Variants in RAB8B observed in about 807,000 individuals in gnomAD.
RAB8B encodes the protein ras-related protein Rab-8B.
A neutral mutation model predicts 32.0 loss-of-function variants in RAB8B; 11 were observed. The observed-to-expected ratio is 0.34, with a 90% CI of 0.22 to 0.57. The LOEUF is 0.57. RAB8B is among the 20% of genes least tolerant of loss of function. The pLI, the probability that RAB8B is intolerant of heterozygous loss-of-function variation, is 0.86. For missense variants in RAB8B, 190 were observed against 258.5 expected (o/e 0.73, Z 1.82); for synonymous variants, 103 against 89.6 (o/e 1.15, Z -0.85).
At chr15:63,207,763 A>C (rs2037711022) in intron 1 of RAB8B, among the ~76,000 whole-genome samples, 1 of 151,956 alleles carries the variant, frequency 6.6e-6, no homozygotes, top group South Asian at 2.1e-4. Flanking sequence ...ACGGGGTTTC[A>C]CCATGTTGGC....
intron 1 of RAB8B, among the ~76,000 whole-genome samples, chr15:63,202,380 A>G (rs186354680): frequency 2.0e-4 from 30 of 152,352 alleles, no homozygotes; most frequent in African/African-American, 6.5e-4. Context: ...GACAAGCCTG[A>G]GTAATAGCTA....
intron 6 of RAB8B, among the ~76,000 whole-genome samples, 160 bp from the exon 7 acceptor site, chr15:63,262,532 G>C (rs2038210995): frequency 6.6e-6 from 1 of 151,682 alleles, no homozygotes; most frequent in African/African-American, 2.4e-5. Flanking sequence ...TTAGGAGACT[G>C]AGGTGGGAGG....
At chr15:63,253,263 T>C (rs1417780421) in intron 3 of RAB8B, among the ~76,000 whole-genome samples, 5 of 152,178 alleles carry the variant, frequency 3.3e-5, no homozygotes, top group East Asian at 1.9e-4. Context: ...AAAATCCCAC[T>C]ACTCTGAGAG....
At chr15:63,211,839 TC>T (rs1335071448) in intron 1 of RAB8B, among the ~76,000 whole-genome samples, 1 of 152,152 alleles carries the variant, frequency 6.6e-6, no homozygotes, top group African/African-American at 2.4e-5. Flanking sequence ...TGTGTTTTTT[TC>T]TTTTTTTTAG....
At chr15:63,246,706 C>T (rs1041582976) in intron 2 of RAB8B, among the ~76,000 whole-genome samples, 2 of 152,272 alleles carry the variant, frequency 1.3e-5, no homozygotes, top group Non-Finnish European at 1.5e-5. Flanking sequence ...TTGATTGCAT[C>T]GTGGGCCATT....
chr15:63,247,116 A>G (rs1006168295), intron 2 of RAB8B, among the ~76,000 whole-genome samples: 1 of 152,202 alleles, frequency 6.6e-6, no homozygotes, highest in African/African-American at 2.4e-5. Context: ...GTGTCTAGTG[A>G]AGGTTTGCTT....
At chr15:63,210,111 T>C (rs952565671) in intron 1 of RAB8B, among the ~76,000 whole-genome samples, 1 of 152,220 alleles carries the variant, frequency 6.6e-6, no homozygotes, top group Non-Finnish European at 1.5e-5. Context: ...TCAGGCCTGC[T>C]GTAGTTGTGG....
chr15:63,190,509 G>C (rs1297885945), intron 1 of RAB8B, among the ~76,000 whole-genome samples: 1 of 152,020 alleles, frequency 6.6e-6, no homozygotes, highest in African/African-American at 2.4e-5. Flanking sequence ...AGATGGAAAA[G>C]AGAGGAAATG....
chr15:63,200,237 T>A (rs892820907), intron 1 of RAB8B, among the ~76,000 whole-genome samples: 1 of 152,218 alleles, frequency 6.6e-6, no homozygotes, highest in Admixed American at 6.5e-5. Context: ...TAGACACTAG[T>A]GTTTTGATGA....
chr15:63,216,733 A>C (rs1024968469), intron 1 of RAB8B, among the ~76,000 whole-genome samples: 1 of 151,688 alleles, frequency 6.6e-6, no homozygotes, highest in Admixed American at 6.6e-5. Flanking sequence ...GGTGGTGTGC[A>C]CCTGTAGTCC....
intron 1 of RAB8B, among the ~76,000 whole-genome samples, chr15:63,237,218 G>A (rs1444792844): frequency 6.6e-6 from 1 of 152,186 alleles, no homozygotes; most frequent in Non-Finnish European, 1.5e-5. Flanking sequence ...TGGGAGTGCA[G>A]TTATTTCTTT....
At position 63,223,284 on chromosome 15, in the gene RAB8B, G is replaced by A. The variant is rs189941552; in HGVS notation, c.125-21472G>A. On this transcript the variant is annotated intron_variant, in intron 1 of 7. Coordinates refer to ENST00000321437, the MANE Select transcript of RAB8B (RefSeq NM_016530.3). ...CTGCCACCATGCCCGGCTAATTTTT[G>A]TATTTTTAGTAGAGACGGGGTTTCA... 5.1e-4 allele frequency among the ~76,000 whole-genome samples: 77 copies of A among 152,026 alleles called. 1 individual carries two copies. The South Asian group carries it at 6.2e-3, about 12-fold the overall frequency.
intron 1 of RAB8B, among the ~76,000 whole-genome samples, chr15:63,234,827 A>G (rs1331530132): frequency 1.3e-5 from 2 of 152,170 alleles, no homozygotes; most frequent in Non-Finnish European, 2.9e-5. Context: ...GCCTTCTCCC[A>G]TTGAATGGAA....
At chr15:63,230,392 C>T (rs1338056483) in intron 1 of RAB8B, among the ~76,000 whole-genome samples, 1 of 152,116 alleles carries the variant, frequency 6.6e-6, no homozygotes, top group African/African-American at 2.4e-5. Flanking sequence ...ACCTCCGCCT[C>T]CCGGGTTCGA....
intron 1 of RAB8B, among the ~76,000 whole-genome samples, chr15:63,200,854 T>C (rs546315975): frequency 2.3e-4 from 35 of 152,350 alleles, no homozygotes; most frequent in African/African-American, 6.3e-4. Flanking sequence ...TCTGCCTTCA[T>C]TTCTCTTGCT....
intron 1 of RAB8B, among the ~76,000 whole-genome samples, chr15:63,239,494 C>T (rs889659313): frequency 1.3e-5 from 2 of 149,478 alleles, no homozygotes; most frequent in East Asian, 4.0e-4. Flanking sequence ...CTCACTGCAA[C>T]CTCTACCTCC....
chr15:63,237,325 T>C (rs987116987), intron 1 of RAB8B, among the ~76,000 whole-genome samples: 1 of 152,254 alleles, frequency 6.6e-6, no homozygotes, highest in Admixed American at 6.5e-5. Context: ...TTCTCCATAG[T>C]GGCTGTACTA....
intron 1 of RAB8B, among the ~76,000 whole-genome samples, chr15:63,193,841 C>T (rs771785618): frequency 2.0e-5 from 3 of 152,144 alleles, no homozygotes; most frequent in Non-Finnish European, 4.4e-5. Flanking sequence ...ACATCAAAAA[C>T]ATTTAATTAA....
intron 1 of RAB8B, among the ~76,000 whole-genome samples, chr15:63,234,130 G>A (rs1567016439): frequency 6.6e-6 from 1 of 152,146 alleles, no homozygotes; most frequent in Non-Finnish European, 1.5e-5. Flanking sequence ...GGAGACCCAA[G>A]ATAGTACTCA....
Sources: gnomAD v4.1 joint callset for allele counts (sites outside exome capture counted in the v4.1 genomes callset) on GRCh38, gnomAD v4.1.1 for gene constraint, MANE v1.5 for transcripts, NCBI Gene and HGNC (gene_info 2026-07-23, HGNC 2026-07-21) for gene names.